Variants in PCDHGA10 observed in about 807,000 individuals in gnomAD.
The protein encoded by PCDHGA10 is protocadherin gamma-A10.
Under a neutral mutation model 59.5 loss-of-function variants are expected in PCDHGA10, and 42 were observed. The observed-to-expected ratio is 0.71, with a 90% CI of 0.55 to 0.91. The LOEUF (loss-of-function observed/expected upper bound fraction) is 0.91, where lower values mean the gene tolerates loss of function less well. Ranked by LOEUF, PCDHGA10 falls within the 40% of genes least tolerant of loss-of-function variation. The pLI, the probability that PCDHGA10 is intolerant of heterozygous loss-of-function variation, is 0.00. For missense variants in PCDHGA10, 1,111 were observed against 1,198.2 expected (o/e 0.93, Z 1.07); for synonymous variants, 511 against 517.2 (o/e 0.99, Z 0.16).
In PCDHGA10 at chr5:141,476,651, T is replaced by C. The variant is rs1355056895; in HGVS notation, c.2437-18156T>C. On this transcript the variant is annotated intron_variant, in intron 1 of 3. Coordinates refer to ENST00000398610, the MANE Select transcript of PCDHGA10 (RefSeq NM_018913.3). This position sits in a 1 kb window ranked among gnomAD's most constrained non-coding sequence, Gnocchi z 7.6. ...AACCTATGAGCTGAGCCGAAATGAA[T>C]ACTTTGCGCTTCGCGTGCAGACGCG... is the stretch of plus-strand genomic sequence containing the variant. The C allele has an allele frequency of 3.7e-6, 6 of 1,614,118 alleles. No individual in the cohort carries two copies. Among genetic ancestry groups the C allele is most frequent in the Non-Finnish European group, 5.1e-6 (6 of 1,180,050 alleles).
At chr5:141,419,668 G>A (rs752237614) in intron 1 of PCDHGA10, 1 of 1,612,892 alleles carries the variant, frequency 6.2e-7, no homozygotes, top group East Asian at 2.2e-5. Context: ...ACAATGCCTG[G>A]CTGTCCTACC....
intron 2 of PCDHGA10, among the ~76,000 whole-genome samples, chr5:141,502,067 CCTTCACCTGGGG>C (rs1307097799): frequency 6.6e-6 from 1 of 152,172 alleles, no homozygotes; most frequent in Non-Finnish European, 1.5e-5. Flanking sequence ...CCATTAGCCC[CCTTCACCTGGGG>C]CTGAGAACAC....
Position 141,505,427 on chromosome 5 carries a change from A to G in PCDHGA10, c.2530A>G (p.Asn844Asp), listed in dbSNP as rs1453435374. Reference protein sequence around the residue: ...QNGDDTGTWPNNQFDTEMLQA... With the variant: ...QNGDDTGTWPDNQFDTEMLQA... The stretch of plus-strand genomic sequence containing the variant: ...TGGCGATGACACCGGCACCTGGCCC[A>G]ACAACCAGTTTGACACAGAGATGCT... The change falls in exon 3 of 4, where the codon AAC (asparagine) becomes GAC (aspartate). Residue 844 changes from asparagine to aspartate, a missense_variant. Physicochemically the swap from Asn to Asp is conservative, Grantham distance 23 (BLOSUM62 1). Coordinates refer to ENST00000398610, the MANE Select transcript of PCDHGA10 (RefSeq NM_018913.3). 1 of 1,614,230 alleles carries G rather than the reference A, an allele frequency of 6.2e-7. No individual in the cohort carries two copies. Among genetic ancestry groups the G allele is most frequent in the East Asian group, 2.2e-5 (1 of 44,878 alleles).
chr5:141,484,750 G>GTATA (rs545232987), intron 1 of PCDHGA10, among the ~76,000 whole-genome samples: 1 of 149,818 alleles, frequency 6.7e-6, no homozygotes, highest in Non-Finnish European at 1.5e-5. Context: ...GAAAAAAAAT[G>GTATA]TATATATATA....
At chr5:141,427,683 G>A (rs761750638) in intron 1 of PCDHGA10, 3 of 836,052 alleles carry the variant, frequency 3.6e-6, no homozygotes, top group South Asian at 2.8e-5. Flanking sequence ...CCTTCCCGGA[G>A]CCTCCATCCC....
chr5:141,452,710 G>GAAGT (rs1343622540), intron 1 of PCDHGA10, among the ~76,000 whole-genome samples: 1 of 151,996 alleles, frequency 6.6e-6, no homozygotes, highest in Non-Finnish European at 1.5e-5. Flanking sequence ...AGAAAGGAAG[G>GAAGT]AATGAGGGAG....
At chr5:141,423,163 G>A (rs758720418) in intron 1 of PCDHGA10, 2 of 1,613,480 alleles carry the variant, frequency 1.2e-6, no homozygotes, top group South Asian at 2.2e-5. Context: ...CCTCGTGGTG[G>A]CCGTCCAGGA....
At chr5:141,415,754 T>TTG in intron 1 of PCDHGA10, 143 bp downstream of exon 1, 4 of 1,385,736 alleles carry the variant, frequency 2.9e-6, no homozygotes, top group South Asian at 1.7e-5. Flanking sequence ...TTTTTTTTTT[T>TTG]TTTTTTTTTT....
chr5:141,465,385 C>T (rs752724696), intron 1 of PCDHGA10, among the ~76,000 whole-genome samples: 3 of 151,978 alleles, frequency 2.0e-5, no homozygotes, highest in Admixed American at 6.6e-5. Context: ...AGATTAGGAA[C>T]AAAAACAAGT....
intron 1 of PCDHGA10, among the ~76,000 whole-genome samples, chr5:141,438,771 C>T (rs1056879944): frequency 1.3e-5 from 2 of 149,126 alleles, no homozygotes; most frequent in Non-Finnish European, 3.0e-5. Flanking sequence ...AAGCGATTCT[C>T]CTGCCTCAGC....
In PCDHGA10 at chr5:141,489,087, T is replaced by A. The variant is rs2099682381; in HGVS notation, c.2437-5720T>A. ...CCCCCTGCCCACCCCCGCCACTCGG[T>A]GACTAAGAACTGCTGCAAGCAGGCA... is the stretch of plus-strand genomic sequence containing the variant. On this transcript the variant is annotated intron_variant, in intron 1 of 3. Coordinates refer to ENST00000398610, the MANE Select transcript of PCDHGA10 (RefSeq NM_018913.3). This position sits in a 1 kb window ranked among gnomAD's most constrained non-coding sequence, Gnocchi z 4.5. The A allele has an allele frequency of 4.6e-6, 1 of 216,106 alleles. No individual in the cohort carries two copies. Among genetic ancestry groups the A allele is most frequent in the Non-Finnish European group, 8.4e-6 (1 of 118,734 alleles). 13.4% of individuals were successfully genotyped at this position (216,106 alleles called of 1,614,324 possible). A position where few individuals can be genotyped will look rare whatever the true frequency, so the allele number is the denominator to read the frequency against.
intron 1 of PCDHGA10, chr5:141,430,604 A>C (rs1288378907): frequency 7.8e-6 from 5 of 641,158 alleles, no homozygotes; most frequent in Non-Finnish European, 1.2e-5. Context: ...CGCCTGAAGC[A>C]CAAAGCAGAT....
In PCDHGA10 at chr5:141,413,548, A is replaced by G; in HGVS notation, c.373A>G (p.Ile125Val). 6.2e-7 allele frequency: 1 copy of G among 1,613,946 alleles called. No homozygotes were observed. The highest frequency in any genetic ancestry group is 8.5e-7 in the Non-Finnish European group (1 of 1,179,904). ...CAGGGTGAAACTTTTTGGGATAGAA[A>G]TAGAAGTAACTGATATCAATGACAA... ...EDRVKLFGIE[I>V]EVTDINDNAP... Residue 125 changes from isoleucine (I) to valine (V), a missense_variant, in exon 1 of 4, where the codon ATA becomes GTA. By Grantham distance (29) the Ile-to-Val change is conservative. Coordinates refer to ENST00000398610, the MANE Select transcript of PCDHGA10 (RefSeq NM_018913.3).
chr5:141,423,864 G>T, intron 1 of PCDHGA10: 4 of 1,284,224 alleles, frequency 3.1e-6, no homozygotes, highest in Non-Finnish European at 3.9e-6. Flanking sequence ...TTTTGTGAAA[G>T]TCATTTTTCA....
chr5:141,485,986 G>T lies in PCDHGA10; in HGVS notation c.2437-8821G>T, dbSNP rs2099622467. The T allele has an allele frequency of 1.2e-6, 2 of 1,614,084 alleles. No homozygotes were observed. Among genetic ancestry groups the T allele is most frequent in the African/African-American group, 1.3e-5 (1 of 74,936 alleles). On this transcript the variant is annotated intron_variant, in intron 1 of 3. Transcript: ENST00000398610. This position sits in a 1 kb window ranked among gnomAD's most constrained non-coding sequence, Gnocchi z 5.7. ...AGCTCAATGCCTCAGACCCGGACCT[G>T]GGTCCCAGTGGTAACGTCACCTTTT...
rs537087639 is a variant in PCDHGA10 at position 141,510,502 on chromosome 5, G to A, written c.2585-445G>A. 3.3e-5 allele frequency among the ~76,000 whole-genome samples: 5 copies of A among 152,296 alleles called. No homozygotes were observed. The South Asian group carries it at 6.2e-4, about 19-fold the overall frequency. ...CTTGAGAAAGCCAGGGCAAGGAACTGAGAGCCCGTGTCACAGCCCTGAGAG... is the reference window on the plus strand; with the variant it reads ...CTTGAGAAAGCCAGGGCAAGGAACTAAGAGCCCGTGTCACAGCCCTGAGAG... On this transcript the variant is annotated intron_variant, in intron 3 of 3. Coordinates refer to ENST00000398610, the MANE Select transcript of PCDHGA10 (RefSeq NM_018913.3).
At position 141,431,952 on chromosome 5, in the gene PCDHGA10, AC is replaced by A; in HGVS notation, c.2436+16342del. ...CTGCCCTTTAAATTAGAAAAATCTTACGGAAATTACTATAGTTTAGTCACAG... is the reference window on the plus strand; with the variant it reads ...CTGCCCTTTAAATTAGAAAAATCTTAGGAAATTACTATAGTTTAGTCACAG... On this transcript the variant is annotated intron_variant, in intron 1 of 3. Transcript: ENST00000398610. This position sits in a 1 kb window ranked among gnomAD's most constrained non-coding sequence, Gnocchi z 4.8. 1 of 1,614,166 alleles carries A rather than the reference AC, an allele frequency of 6.2e-7. No homozygotes were observed. The highest frequency in any genetic ancestry group is 1.1e-5 in the South Asian group (1 of 91,090).
intron 1 of PCDHGA10, among the ~76,000 whole-genome samples, chr5:141,488,351 C>G (rs1467834410): frequency 6.6e-6 from 1 of 152,132 alleles, no homozygotes; most frequent in African/African-American, 2.4e-5. Context: ...AAACAGCCAC[C>G]CTGTGCATCT....
intron 1 of PCDHGA10, chr5:141,422,871 G>T (rs769543752): frequency 3.7e-6 from 6 of 1,614,098 alleles, no homozygotes; most frequent in Non-Finnish European, 5.1e-6. Context: ...GCAACGTGTC[G>T]CTGAGCCTGT....
Sources: gnomAD v4.1 joint callset for allele counts (sites outside exome capture counted in the v4.1 genomes callset) on GRCh38, gnomAD v4.1.1 for gene constraint, Gnocchi (gnomAD v3.1) non-coding constraint, MANE v1.5 for transcripts, NCBI Gene and HGNC (gene_info 2026-07-23, HGNC 2026-07-21) for gene names.